The following BTLA variants were observed in gnomAD, a reference collection of about 807,000 sequenced individuals.
BTLA encodes the protein B and T lymphocyte associated.
A neutral mutation model predicts 25.0 loss-of-function variants in BTLA; 11 were observed. That is an observed-to-expected ratio of 0.44 (90% CI 0.28 to 0.73). The LOEUF (loss-of-function observed/expected upper bound fraction) is 0.73, where lower values mean the gene tolerates loss of function less well. Among genes scored for constraint, BTLA ranks in the 30% least tolerant of loss-of-function variants. The pLI is 0.15. For missense variants in BTLA, 282 were observed against 332.8 expected (o/e 0.85, Z 1.19); for synonymous variants, 104 against 119.8 (o/e 0.87, Z 0.86).
intron 2 of BTLA, among the ~76,000 whole-genome samples, chr3:112,473,017 C>G (rs983524884): frequency 6.6e-6 from 1 of 151,482 alleles, no homozygotes; most frequent in African/African-American, 2.4e-5. Flanking sequence ...CTTTAACCAC[C>G]AAAAAAACCT....
intron 1 of BTLA, among the ~76,000 whole-genome samples, chr3:112,489,520 T>C (rs774599818): frequency 3.9e-5 from 6 of 152,238 alleles, no homozygotes; most frequent in Admixed American, 6.5e-5. Flanking sequence ...AACTTCAAAG[T>C]GGTTGCAACC....
chr3:112,474,348 G>A (rs1378977262), intron 2 of BTLA, among the ~76,000 whole-genome samples: 1 of 151,966 alleles, frequency 6.6e-6, no homozygotes, highest in Non-Finnish European at 1.5e-5. Flanking sequence ...GGTTCAGAAG[G>A]AAAAGGAATT....
In BTLA at chr3:112,466,322, A is replaced by G; in HGVS notation, c.656T>C (p.Leu219Pro). 1 of 1,613,740 alleles carries G rather than the reference A, an allele frequency of 6.2e-7. No individual in the cohort carries two copies. The highest frequency in any genetic ancestry group is 1.1e-5 in the South Asian group (1 of 90,958). The change falls in exon 5 of 5, where the codon CTG becomes CCG. Residue 219 changes from leucine to proline, a missense_variant. Physicochemically the swap from Leu to Pro is moderately conservative, Grantham distance 98. Coordinates refer to ENST00000334529, the MANE Select transcript of BTLA (RefSeq NM_181780.4). ...ATCATAAATTCCAGTTTCTGATAGCAGTACTTGGGAATTTTGCCTGGTGCT... is the reference window on the plus strand; with the variant it reads ...ATCATAAATTCCAGTTTCTGATAGCGGTACTTGGGAATTTTGCCTGGTGCT... ...EASTRQNSQV[L>P]LSETGIYDND...
intron 1 of BTLA, among the ~76,000 whole-genome samples, chr3:112,495,309 T>C (rs1174051248): frequency 1.3e-5 from 2 of 152,228 alleles, no homozygotes; most frequent in Non-Finnish European, 2.9e-5. Context: ...TGATTATTTT[T>C]TGGACCTGAT....
chr3:112,496,401 CA>C (rs1313443192), intron 1 of BTLA, among the ~76,000 whole-genome samples: 3 of 152,136 alleles, frequency 2.0e-5, no homozygotes, highest in Non-Finnish European at 1.5e-5. Flanking sequence ...GGACCTTAAA[CA>C]GGAAGTTTGT....
At chr3:112,493,270 C>A (rs1218149863) in intron 1 of BTLA, among the ~76,000 whole-genome samples, 1 of 152,104 alleles carries the variant, frequency 6.6e-6, no homozygotes, top group African/African-American at 2.4e-5. Flanking sequence ...GCATTTTTCT[C>A]ACAAAGTCTT....
At chr3:112,466,991 C>CT (rs2082232113) in intron 4 of BTLA, among the ~76,000 whole-genome samples, 1 of 150,554 alleles carries the variant, frequency 6.6e-6, no homozygotes, top group Admixed American at 6.6e-5. Context: ...CGGAGTCTTG[C>CT]CTATAGCCCA....
In BTLA at chr3:112,466,283, A is replaced by G; in HGVS notation, c.695T>C (p.Leu232Pro). Reference sequence around the variant, plus strand: ...AGACCCTTCCTGCATCCTGAAACAAAGGTCAGGGTCATTATCATAAATTCC... The same window carrying G: ...AGACCCTTCCTGCATCCTGAAACAAGGGTCAGGGTCATTATCATAAATTCC... ...ETGIYDNDPD[L>P]CFRMQEGSEV... The change falls in exon 5 of 5, where the codon CTT becomes CCT. Residue 232 changes from leucine to proline, a missense_variant. Transcript: ENST00000334529. 2 of 1,614,042 alleles carry G rather than the reference A, an allele frequency of 1.2e-6. No individual in the cohort carries two copies. The highest frequency in any genetic ancestry group is 1.7e-6 in the Non-Finnish European group (2 of 1,179,960).
intron 2 of BTLA, among the ~76,000 whole-genome samples, chr3:112,475,018 G>A (rs2082281609): frequency 6.6e-6 from 1 of 152,178 alleles, no homozygotes; most frequent in Admixed American, 6.5e-5. Flanking sequence ...AGTGTATTTG[G>A]CTGAAATTGA....
At position 112,465,936 on chromosome 3, in the gene BTLA, A is replaced by T; in HGVS notation, c.*172T>A. The T allele has an allele frequency of 1.6e-6, 1 of 621,280 alleles. No individual in the cohort carries two copies. The highest frequency in any genetic ancestry group is 2.5e-6 in the Non-Finnish European group (1 of 405,526). 38.5% of individuals were successfully genotyped at this position (621,280 alleles called of 1,614,324 possible). ...TAAAAAGCTCCCAAATAAGTTTCTG[A>T]GAGAAATTTTAATCATTTATCCTAT... is the stretch of plus-strand genomic sequence containing the variant. On this transcript the variant is annotated 3_prime_UTR_variant, in exon 5 of 5. Coordinates refer to ENST00000334529, the MANE Select transcript of BTLA (RefSeq NM_181780.4).
At chr3:112,483,792 A>G (rs1237349983) in intron 1 of BTLA, among the ~76,000 whole-genome samples, 1 of 151,958 alleles carries the variant, frequency 6.6e-6, no homozygotes, top group African/African-American at 2.4e-5. Context: ...ACATGGTGAA[A>G]CACCGTCTTT....
intron 1 of BTLA, among the ~76,000 whole-genome samples, chr3:112,495,909 C>G (rs1229653560): frequency 6.6e-6 from 1 of 152,206 alleles, no homozygotes; most frequent in Non-Finnish European, 1.5e-5. Context: ...AAAAATGACA[C>G]AAGCCAGACC....
chr3:112,479,912 T>C, intron 1 of BTLA, 143 bp from the exon 2 acceptor site: 1 of 637,112 alleles, frequency 1.6e-6, no homozygotes, highest in Non-Finnish European at 2.7e-6. Flanking sequence ...ACTAGCAGAA[T>C]GTCTCATACA....
At chr3:112,498,568 CTTTTTTTTTT>C (rs34606026) in intron 1 of BTLA, among the ~76,000 whole-genome samples, 14 of 83,868 alleles carry the variant, frequency 1.7e-4, no homozygotes, top group South Asian at 8.1e-4. Context: ...AAGAAATTGC[CTTTTTTTTTT>C]TTTTTTTTTT....
chr3:112,484,501 T>G (rs2082335649), intron 1 of BTLA, among the ~76,000 whole-genome samples: 1 of 152,204 alleles, frequency 6.6e-6, no homozygotes, highest in South Asian at 2.1e-4. Context: ...AAGTTCTAAC[T>G]CACCATCCCC....
chr3:112,499,386 C>T lies in BTLA; in HGVS notation c.-28G>A. The T allele has an allele frequency of 6.2e-7, 1 of 1,604,884 alleles. No individual in the cohort carries two copies. Among genetic ancestry groups the T allele is most frequent in the Non-Finnish European group, 8.5e-7 (1 of 1,173,842 alleles). Reference sequence around the variant, plus strand: ...CCTGCACATATCAGTGATGGAAAAACTGCTCAAGTAGAAGGCTTTGCTTCG... The same window carrying T: ...CCTGCACATATCAGTGATGGAAAAATTGCTCAAGTAGAAGGCTTTGCTTCG... On this transcript the variant is annotated 5_prime_UTR_variant, in exon 1 of 5. Transcript: ENST00000334529.
intron 4 of BTLA, 129 bp downstream of exon 4, chr3:112,469,629 A>AC (rs71631392): frequency 7.8e-6 from 1 of 127,590 alleles, no homozygotes; most frequent in Non-Finnish European, 1.5e-5. Context: ...ATATATATAT[A>AC]TATATATATA....
At chr3:112,489,176 CAG>C (rs767910584) in intron 1 of BTLA, among the ~76,000 whole-genome samples, 66 of 152,250 alleles carry the variant, frequency 4.3e-4, no homozygotes, top group Non-Finnish European at 6.9e-4. Context: ...TATGTCCACT[CAG>C]GGGTGGATAT....
intron 1 of BTLA, among the ~76,000 whole-genome samples, chr3:112,487,746 T>C (rs1357916746): frequency 6.6e-6 from 1 of 152,216 alleles, no homozygotes; most frequent in Non-Finnish European, 1.5e-5. Flanking sequence ...CTTACACCAC[T>C]TTTCAATTTT....
Sources: gnomAD v4.1 joint callset for allele counts (sites outside exome capture counted in the v4.1 genomes callset) on GRCh38, gnomAD v4.1.1 for gene constraint, MANE v1.5 for transcripts, NCBI Gene and HGNC (gene_info 2026-07-23, HGNC 2026-07-21) for gene names.